Variants in NAV2 observed in about 807,000 individuals in gnomAD.
NAV2 encodes the protein neuron navigator 2.
A neutral mutation model predicts 223.2 loss-of-function variants in NAV2; 54 were observed. The ratio of observed to expected loss-of-function variants is 0.24; its 90% CI spans 0.19 to 0.30. The LOEUF is 0.30. Ranked by LOEUF, NAV2 falls within the 10% of genes least tolerant of loss-of-function variation. The pLI is 1.00. For synonymous variants in NAV2, 1,279 were observed against 1,239.3 expected, an observed-to-expected ratio of 1.03 and a Z score of -0.67; for missense variants, 2,806 against 3,147.5, an observed-to-expected ratio of 0.89 and a Z score of 2.60.
intron 36 of NAV2, among the ~76,000 whole-genome samples, chr11:20,108,393 G>A (rs902064992): frequency 5.3e-5 from 8 of 152,094 alleles, no homozygotes; most frequent in African/African-American, 1.4e-4. Flanking sequence ...GAACTTCGGG[G>A]CCCATAAGGC....
intron 1 of NAV2, among the ~76,000 whole-genome samples, chr11:19,488,950 C>T (rs1412250475): frequency 2.6e-5 from 4 of 152,230 alleles, no homozygotes; most frequent in African/African-American, 9.6e-5. Flanking sequence ...AGACAGTTTT[C>T]TCCCCCAGGA....
At chr11:19,832,040 C>T (rs1407149514) in intron 1 of NAV2, among the ~76,000 whole-genome samples, 2 of 152,202 alleles carry the variant, frequency 1.3e-5, no homozygotes, top group East Asian at 3.8e-4. Context: ...AATAGCCCTC[C>T]TTACCCTGAA....
chr11:20,081,975 G>C lies in NAV2; in HGVS notation c.5326-1032G>C, dbSNP rs184797064. Among the ~76,000 whole-genome samples the C allele has an allele frequency of 5.8e-3, 890 of 152,212 alleles. 5 individuals carry two copies. Among genetic ancestry groups the C allele is most frequent in the Middle Eastern group, 0.031 (9 of 294 alleles). On this transcript the variant is annotated intron_variant, in intron 25 of 37. Coordinates refer to ENST00000349880, the MANE Select transcript of NAV2 (RefSeq NM_145117.5). ...TATCCATTTCCTGCAACAGAGGCGG[G>C]GGGGAAAGAATTTTCAGATCCATCT...
intron 1 of NAV2, among the ~76,000 whole-genome samples, chr11:19,379,162 G>A (rs1490044837): frequency 1.3e-5 from 2 of 152,242 alleles, no homozygotes; most frequent in South Asian, 2.1e-4. Context: ...ATAGATCCAC[G>A]GGGCTGGTGG....
In NAV2 at chr11:20,115,986, A is replaced by G. The variant is rs563465105; in HGVS notation, c.7164+1191A>G. ...GATTGTAGTACTCTACCAATATAAG[A>G]CCCACACAGAGTCACACTGCTAAAT... On this transcript the variant is annotated intron_variant, in intron 37 of 37. Coordinates refer to ENST00000349880, the MANE Select transcript of NAV2 (RefSeq NM_145117.5). 7.2e-5 allele frequency among the ~76,000 whole-genome samples: 11 copies of G among 152,330 alleles called. No homozygotes were observed. In the East Asian group the frequency reaches 2.1e-3, roughly 29 times the overall value.
At chr11:19,650,683 G>A (rs929687445) in intron 1 of NAV2, among the ~76,000 whole-genome samples, 1 of 152,132 alleles carries the variant, frequency 6.6e-6, no homozygotes, top group African/African-American at 2.4e-5. Context: ...AATATCCAAC[G>A]ACAAGTAAAT....
At position 20,043,922 on chromosome 11, in the gene NAV2, T is replaced by G. The variant is rs1359831598; in HGVS notation, c.2908-59T>G. ...TGTTTTGGCATTTTTGCCTTTGGAG[T>G]GAGGGGCTTCCCAGCCTGGGACTGG... On this transcript the variant is annotated intron_variant, in intron 12 of 37. Transcript: ENST00000349880. 1.9e-6 allele frequency: 3 copies of G among 1,558,234 alleles called. No individual in the cohort carries two copies. In the East Asian group the frequency reaches 6.8e-5, roughly 35 times the overall value.
At chr11:19,415,802 A>G (rs1458991607) in intron 1 of NAV2, among the ~76,000 whole-genome samples, 3 of 152,208 alleles carry the variant, frequency 2.0e-5, no homozygotes, top group Non-Finnish European at 2.9e-5. Context: ...ACACAAATCA[A>G]TAAACATATT....
chr11:19,603,306 G>A (rs2046396451), intron 1 of NAV2, among the ~76,000 whole-genome samples: 1 of 152,156 alleles, frequency 6.6e-6, no homozygotes, highest in Non-Finnish European at 1.5e-5. Flanking sequence ...CCCACTATGT[G>A]CCAGGCATGT....
At chr11:19,912,450 C>T (rs896990122) in intron 6 of NAV2, among the ~76,000 whole-genome samples, 6 of 152,144 alleles carry the variant, frequency 3.9e-5, no homozygotes, top group African/African-American at 1.4e-4. Context: ...AAATTTGTTT[C>T]AAGGTAATAT....
chr11:19,810,723 G>A (rs1317603122), intron 1 of NAV2, among the ~76,000 whole-genome samples: 1 of 152,166 alleles, frequency 6.6e-6, no homozygotes, highest in Non-Finnish European at 1.5e-5. Context: ...TGTGAAGCTT[G>A]TTAATAAACA....
At chr11:19,927,717 A>AC (rs56139725) in intron 6 of NAV2, among the ~76,000 whole-genome samples, 10 of 148,608 alleles carry the variant, frequency 6.7e-5, no homozygotes, top group African/African-American at 2.2e-4. Context: ...ACAAAACAAA[A>AC]AAAACCTGTT....
At chr11:19,783,029 G>A (rs1248813955) in intron 1 of NAV2, among the ~76,000 whole-genome samples, 1 of 152,156 alleles carries the variant, frequency 6.6e-6, no homozygotes, top group African/African-American at 2.4e-5. Context: ...TGCTTGCTGG[G>A]AACATGATAG....
chr11:19,892,036 G>A (rs927237464), intron 5 of NAV2, among the ~76,000 whole-genome samples: 1 of 152,134 alleles, frequency 6.6e-6, no homozygotes, highest in African/African-American at 2.4e-5. Flanking sequence ...TTAGCTCACT[G>A]CAACCTCTGC....
chr11:19,898,548 A>C (rs2042186808), intron 6 of NAV2, among the ~76,000 whole-genome samples: 1 of 152,202 alleles, frequency 6.6e-6, no homozygotes, highest in African/African-American at 2.4e-5. Flanking sequence ...ATAGTCACAT[A>C]ATATTCCATT....
intron 1 of NAV2, among the ~76,000 whole-genome samples, chr11:19,490,251 TTCTTAAAATAAGTCAACAATG>T (rs2042580736): frequency 6.6e-6 from 1 of 152,184 alleles, no homozygotes. Context: ...CTGTGGCAAT[TTCTTAAAATAAGTCAACAATG>T]AAGTTTGCCA....
At chr11:19,846,719 AG>A (rs769326465) in intron 3 of NAV2, among the ~76,000 whole-genome samples, 2 of 152,226 alleles carry the variant, frequency 1.3e-5, no homozygotes, top group Non-Finnish European at 2.9e-5. Flanking sequence ...TGCTCTCCCC[AG>A]GACTCAAGCC....
chr11:20,011,535 G>A (rs1345356021), intron 11 of NAV2, among the ~76,000 whole-genome samples: 1 of 152,084 alleles, frequency 6.6e-6, no homozygotes, highest in Non-Finnish European at 1.5e-5. Context: ...AACACCTCTG[G>A]GAGTAAGAAC....
At chr11:20,075,222 G>GT (rs759061256) in intron 22 of NAV2, among the ~76,000 whole-genome samples, 1,372 of 110,960 alleles carry the variant, frequency 0.012, 11 homozygotes, top group African/African-American at 0.041. Context: ...TTTTTGTTTT[G>GT]TTTTTTTTTT....
Sources: allele counts gnomAD v4.1 joint callset (sites outside exome capture counted in the v4.1 genomes callset), GRCh38; gene constraint gnomAD v4.1.1; transcripts MANE v1.5; gene names NCBI Gene and HGNC (gene_info 2026-07-23, HGNC 2026-07-21).